The following DECR2 variants were observed in gnomAD, a reference collection of about 807,000 sequenced individuals.
DECR2 encodes the protein peroxisomal 2,4-dienoyl-CoA reductase [(3E)-enoyl-CoA-producing].
Under a neutral mutation model 29.2 loss-of-function variants are expected in DECR2, and 34 were observed. That is an observed-to-expected ratio of 1.16 (90% CI 0.89 to 1.55). The LOEUF (loss-of-function observed/expected upper bound fraction) is 1.55, where lower values mean the gene tolerates loss of function less well. DECR2 is among the 40% of genes most tolerant of loss of function. The pLI is 0.00. For missense variants in DECR2, 485 were observed against 425.3 expected (o/e 1.14, Z -1.23); for synonymous variants, 224 against 182.7 (o/e 1.23, Z -1.82).
intron 7 of DECR2, 85 bp downstream of exon 7, chr16:411,161 G>A (rs2054814340): frequency 7.4e-7 from 1 of 1,359,630 alleles, no homozygotes; most frequent in Non-Finnish European, 9.8e-7. Context: ...CCTTGGCAGG[G>A]TGTATGTTGA....
At chr16:402,798 A>G (rs2054683612) in intron 1 of DECR2, 1 of 152,626 alleles carries the variant, frequency 6.6e-6, no homozygotes, top group Non-Finnish European at 1.5e-5. Flanking sequence ...AGCCTGGCCA[A>G]CATGGTGAAA....
chr16:410,719 C>T lies in DECR2; in HGVS notation c.491C>T (p.Thr164Ile). 3.7e-6 allele frequency: 6 copies of T among 1,608,086 alleles called. No individual in the cohort carries two copies. Among genetic ancestry groups the T allele is most frequent in the Non-Finnish European group, 5.1e-6 (6 of 1,178,936 alleles). Residue 164 changes from threonine to isoleucine, a missense_variant, in exon 6 of 9, where the codon ACT (threonine) becomes ATT (isoleucine). Coordinates refer to ENST00000219481, the MANE Select transcript of DECR2 (RefSeq NM_020664.4). This position sits in a 1 kb window ranked among gnomAD's most constrained non-coding sequence, Gnocchi z 4.1. ...CACGGAGGGGTGATCGTGAACATCA[C>T]TGCCACCCTGGGGAACCGGGGGCAG... Reference protein sequence around the residue: ...RDHGGVIVNITATLGNRGQAL... With the variant: ...RDHGGVIVNIIATLGNRGQAL...
In DECR2 at chr16:407,566, T is replaced by C; in HGVS notation, c.337+6T>C. 3 of 1,613,636 alleles carry C rather than the reference T, an allele frequency of 1.9e-6. No homozygotes were observed. The highest frequency in any genetic ancestry group is 2.5e-6 in the Non-Finnish European group (3 of 1,179,702). On this transcript the variant is annotated splice_donor_region_variant and intron_variant, in intron 4 of 8. Coordinates refer to ENST00000219481, the MANE Select transcript of DECR2 (RefSeq NM_020664.4). Reference sequence around the variant, plus strand: ...AATCGACATTCTCATTAACTGTGAGTCGGTGCTGAGTGAGGTTGGTGGCTT... The same window carrying C: ...AATCGACATTCTCATTAACTGTGAGCCGGTGCTGAGTGAGGTTGGTGGCTT...
Position 407,635 on chromosome 16 carries a change from C to A in DECR2, c.337+75C>A. 1.9e-6 allele frequency: 3 copies of A among 1,582,224 alleles called. No individual in the cohort carries two copies. In the South Asian group the frequency reaches 3.5e-5, roughly 18 times the overall value. On this transcript the variant is annotated intron_variant, in intron 4 of 8. Transcript: ENST00000219481. ...CATTTGGAGGCCCTAGAACTCTGGT[C>A]ATGGGGTGGGGACCATGCCAGGGAA... is the stretch of plus-strand genomic sequence containing the variant.
chr16:405,645 G>C, intron 2 of DECR2: 3 of 1,278,244 alleles, frequency 2.3e-6, no homozygotes, highest in Non-Finnish European at 3.1e-6. Flanking sequence ...AAGGCAGACA[G>C]ATCCCGTTTG....
At chr16:408,538 G>C (rs1403484473) in intron 4 of DECR2, among the ~76,000 whole-genome samples, 8 of 141,542 alleles carry the variant, frequency 5.7e-5, no homozygotes, top group African/African-American at 2.1e-4. Flanking sequence ...TTTTTTTTTA[G>C]ACAGCATCTC....
At chr16:404,079 A>C (rs1317747732) in intron 1 of DECR2, among the ~76,000 whole-genome samples, 9 of 151,920 alleles carry the variant, frequency 5.9e-5, no homozygotes. Context: ...AGGCTGAGGC[A>C]GGAGAATGGT....
chr16:406,507 T>C, intron 3 of DECR2, 110 bp downstream of exon 3: 3 of 1,176,970 alleles, frequency 2.5e-6, no homozygotes, highest in Non-Finnish European at 3.6e-6. Flanking sequence ...CCAAAACTTT[T>C]TTTTTCTGAG....
rs187643415 is a variant in DECR2 at position 404,721 on chromosome 16, C to T, written c.81-235C>T. On this transcript the variant is annotated intron_variant, in intron 1 of 8. Coordinates refer to ENST00000219481, the MANE Select transcript of DECR2 (RefSeq NM_020664.4). ...CTCGGCTCACTGCAACATCTGCCTC[C>T]CGGGTTCAAGCTATTCTCCTGCCTC... Among the ~76,000 whole-genome samples, 525 of 152,016 alleles carry T rather than the reference C, an allele frequency of 3.5e-3. 1 individual carries two copies. The highest frequency in any genetic ancestry group is 4.9e-3 in the Non-Finnish European group (336 of 67,984).
rs183925447 is a variant in DECR2 at position 410,314 on chromosome 16, G to T, written c.409G>T (p.Asp137Tyr). 1.8e-5 allele frequency: 29 copies of T among 1,613,378 alleles called. No individual in the cohort carries two copies. The African/African-American group carries it at 3.3e-4, about 19-fold the overall frequency. ...CGCCTTCAAGACCGTGATGGACATC[G>T]ATACCAGCGGCACCTTCAATGTGTC... ...FNAFKTVMDI[D>Y]TSGTFNVSRV... The change falls in exon 5 of 9, where the codon GAT becomes TAT. Residue 137 changes from aspartate (D) to tyrosine (Y), a missense_variant. Coordinates refer to ENST00000219481, the MANE Select transcript of DECR2 (RefSeq NM_020664.4). This position sits in a 1 kb window ranked among gnomAD's most constrained non-coding sequence, Gnocchi z 4.1.
chr16:408,732 G>A (rs895006593), intron 4 of DECR2, among the ~76,000 whole-genome samples: 2 of 151,776 alleles, frequency 1.3e-5, no homozygotes, highest in African/African-American at 4.8e-5. Flanking sequence ...GCTCAGGCCA[G>A]TCTCAAACTC....
At chr16:411,729 C>A in intron 8 of DECR2, 151 bp downstream of exon 8, 1 of 842,200 alleles carries the variant, frequency 1.2e-6, no homozygotes, top group African/African-American at 1.7e-5. Flanking sequence ...TGGGTGCTGC[C>A]CAGTGGGGCT....
rs779472210 is a variant in DECR2, at chr16:410,420, G to A, written c.462+53G>A. 426 of 1,586,832 alleles carry A rather than the reference G, an allele frequency of 2.7e-4. No individual in the cohort carries two copies. Among genetic ancestry groups the A allele is most frequent in the Non-Finnish European group, 3.5e-4 (407 of 1,162,986 alleles). On this transcript the variant is annotated intron_variant, in intron 5 of 8. Coordinates refer to ENST00000219481, the MANE Select transcript of DECR2 (RefSeq NM_020664.4). The surrounding 1 kb of genome is among the most constrained non-coding windows in gnomAD (Gnocchi z 4.1). ...GTTCTTCCGGGTGGGTGCCTCGTGC[G>A]CTCTGTGAGAAGTTCTTCCGGGTGG...
At chr16:406,458 C>A (rs2054725428) in intron 3 of DECR2, 61 bp downstream of exon 3, 3 of 1,577,736 alleles carry the variant, frequency 1.9e-6, no homozygotes, top group Admixed American at 3.3e-5. Flanking sequence ...GGGGCTGGGC[C>A]TGGGCCAGGA....
intron 2 of DECR2, chr16:405,358 G>A (rs1053650555): frequency 6.4e-5 from 35 of 543,644 alleles, no homozygotes; most frequent in Non-Finnish European, 8.6e-5. Flanking sequence ...TCAGGCCAGG[G>A]TCAGCAACTT....
chr16:407,655 A>G (rs2054742613), intron 4 of DECR2, 95 bp downstream of exon 4: 1 of 1,544,148 alleles, frequency 6.5e-7, no homozygotes, highest in Admixed American at 1.9e-5. Context: ...GGACCATGCC[A>G]GGGAACCTAG....
At chr16:405,431 C>T in intron 2 of DECR2, 1 of 937,942 alleles carries the variant, frequency 1.1e-6, no homozygotes, top group Non-Finnish European at 1.4e-6. Context: ...CCTCAGTTCC[C>T]CTGAGGCCCC....
chr16:403,458 A>C (rs2054690916), intron 1 of DECR2, among the ~76,000 whole-genome samples: 1 of 152,198 alleles, frequency 6.6e-6, no homozygotes, highest in African/African-American at 2.4e-5. Context: ...CTAATAAATA[A>C]AAAAGCCATA....
At chr16:411,670 G>C (rs1258616590) in intron 8 of DECR2, 92 bp downstream of exon 8, 1 of 1,382,050 alleles carries the variant, frequency 7.2e-7, no homozygotes, top group Non-Finnish European at 9.8e-7. Context: ...CGGGGCTGGC[G>C]TCTCCTTTGT....
Sources: allele counts gnomAD v4.1 joint callset (sites outside exome capture counted in the v4.1 genomes callset), GRCh38; gene constraint gnomAD v4.1.1; non-coding constraint Gnocchi (gnomAD v3.1); transcripts MANE v1.5; gene names NCBI Gene and HGNC (gene_info 2026-07-23, HGNC 2026-07-21).